The following CELSR1 variants were observed in gnomAD, a reference collection of about 807,000 sequenced individuals.
The protein encoded by CELSR1 is adhesion G protein-coupled receptor C1.
Under a neutral mutation model 249.1 loss-of-function variants are expected in CELSR1, and 110 were observed. That is an observed-to-expected ratio of 0.44 (90% CI 0.38 to 0.52). CELSR1 has a LOEUF of 0.52. Ranked by LOEUF, CELSR1 falls within the 20% of genes least tolerant of loss-of-function variation. CELSR1 has a pLI of 0.00. For missense variants in CELSR1, 4,109 were observed against 4,296.4 expected, an observed-to-expected ratio of 0.96 and a Z score of 1.22; for synonymous variants, 2,113 against 1,900.0, an observed-to-expected ratio of 1.11 and a Z score of -2.92.
chr22:46,493,183 G>C (rs2080383634), intron 1 of CELSR1, among the ~76,000 whole-genome samples: 1 of 152,134 alleles, frequency 6.6e-6, no homozygotes, highest in African/African-American at 2.4e-5. Context: ...CCAGGAGTTG[G>C]AGGCTGCAAT....
At chr22:46,376,740 G>C (rs904701518) in intron 24 of CELSR1, among the ~76,000 whole-genome samples, 2 of 151,186 alleles carry the variant, frequency 1.3e-5, no homozygotes, top group East Asian at 1.9e-4. Flanking sequence ...CTGGGAGGTG[G>C]AAGTTGCAGT....
At chr22:46,457,060 T>G (rs1017974740) in intron 2 of CELSR1, among the ~76,000 whole-genome samples, 1 of 152,042 alleles carries the variant, frequency 6.6e-6, no homozygotes, top group Admixed American at 6.6e-5. Flanking sequence ...CACCCGACAC[T>G]CCCGAAGTCC....
At chr22:46,370,815 C>T (rs1478190573) in intron 25 of CELSR1, among the ~76,000 whole-genome samples, 1 of 152,240 alleles carries the variant, frequency 6.6e-6, no homozygotes, top group Non-Finnish European at 1.5e-5. Context: ...GTGACCAGTG[C>T]CTGCAGCTCA....
At position 46,381,093 on chromosome 22, in the gene CELSR1, C is replaced by G; in HGVS notation, c.7089-138G>C. On this transcript the variant is annotated intron_variant, in intron 21 of 34. Coordinates refer to ENST00000674500, the MANE Select transcript of CELSR1 (RefSeq NM_001378328.1). This position sits in a 1 kb window ranked among gnomAD's most constrained non-coding sequence, Gnocchi z 6.0. ...ATCACACTCCGAGAGCTCGGACCCA[C>G]GGACCCCACAGTATCTTCATCCCTA... 2 of 854,512 alleles carry G rather than the reference C, an allele frequency of 2.3e-6. No individual in the cohort carries two copies. The highest frequency in any genetic ancestry group is 3.6e-6 in the Non-Finnish European group (2 of 555,716). 52.9% of individuals were successfully genotyped at this position (854,512 alleles called of 1,614,324 possible).
rs539633508 is a variant in CELSR1, at chr22:46,462,034, T to C, written c.4183+1673A>G. 4.6e-5 allele frequency among the ~76,000 whole-genome samples: 7 copies of C among 152,348 alleles called. No individual in the cohort carries two copies. In the East Asian group the frequency reaches 1.4e-3, roughly 29 times the overall value. ...AGGGGGCCTGGTTCAGGCCTGCTCA[T>C]ACCTGGAGTCGTCCCCACCCCCAAA... On this transcript the variant is annotated intron_variant, in intron 2 of 34. Coordinates refer to ENST00000674500, the MANE Select transcript of CELSR1 (RefSeq NM_001378328.1).
In CELSR1 at chr22:46,472,908, G is replaced by A. The variant is rs766104080; in HGVS notation, c.3545-8563C>T. On this transcript the variant is annotated intron_variant, in intron 1 of 34. Transcript: ENST00000674500. The surrounding 1 kb of genome is among the most constrained non-coding windows in gnomAD (Gnocchi z 7.0). The stretch of plus-strand genomic sequence containing the variant: ...GTCACGGCTCTGTCTTCTGTTCACC[G>A]CACCGGAAGCCAGTACAGCCTCATG... Among the ~76,000 whole-genome samples the A allele has an allele frequency of 2.0e-5, 3 of 152,144 alleles. No homozygotes were observed. The highest frequency in any genetic ancestry group is 2.1e-4 in the South Asian group (1 of 4,826).
intron 2 of CELSR1, among the ~76,000 whole-genome samples, chr22:46,457,424 G>A (rs9284524): frequency 0.37 from 56,721 of 152,006 alleles, 11,558 homozygotes; most frequent in East Asian, 0.52. Flanking sequence ...CCCTAACAAA[G>A]CAGCCCCGGC....
At chr22:46,524,378 G>A (rs191210501) in intron 1 of CELSR1, among the ~76,000 whole-genome samples, 4 of 152,278 alleles carry the variant, frequency 2.6e-5, no homozygotes, top group African/African-American at 7.2e-5. Context: ...CTTGGGACAC[G>A]CGTAAGCCTC....
intron 14 of CELSR1, 94 bp downstream of exon 14, chr22:46,394,048 G>A (rs1044875744): frequency 1.1e-5 from 17 of 1,493,896 alleles, no homozygotes; most frequent in East Asian, 2.3e-5. Context: ...AGTGTGTACC[G>A]ACAGGGTATG....
rs1195337022 is a variant in CELSR1 at position 46,437,346 on chromosome 22, C to A, written c.4407-1057G>T. Among the ~76,000 whole-genome samples, 1 of 152,226 alleles carries A rather than the reference C, an allele frequency of 6.6e-6. No individual in the cohort carries two copies. The highest frequency in any genetic ancestry group is 1.5e-5 in the Non-Finnish European group (1 of 68,040). Reference sequence around the variant, plus strand: ...TGAGCTGGCTGGGTGTCTCCACCATCAGAGATACACGGCAGGAACTCCTTT... The same window carrying A: ...TGAGCTGGCTGGGTGTCTCCACCATAAGAGATACACGGCAGGAACTCCTTT... On this transcript the variant is annotated intron_variant, in intron 3 of 34. Coordinates refer to ENST00000674500, the MANE Select transcript of CELSR1 (RefSeq NM_001378328.1). The surrounding 1 kb of genome is among the most constrained non-coding windows in gnomAD (Gnocchi z 4.9).
intron 33 of CELSR1, 48 bp from the exon 34 acceptor site, chr22:46,364,299 G>A (rs773723370): frequency 6.3e-6 from 10 of 1,590,982 alleles, no homozygotes; most frequent in African/African-American, 2.7e-5. Flanking sequence ...ATGCTGCCGG[G>A]GGCAGCTGCT....
At chr22:46,456,383 G>A (rs1012003714) in intron 2 of CELSR1, among the ~76,000 whole-genome samples, 1 of 152,146 alleles carries the variant, frequency 6.6e-6, no homozygotes, top group African/African-American at 2.4e-5. Flanking sequence ...AAATAGGCCG[G>A]GCACGGTGGC....
At chr22:46,477,135 GA>G (rs2147646938) in intron 1 of CELSR1, among the ~76,000 whole-genome samples, 1 of 152,266 alleles carries the variant, frequency 6.6e-6, no homozygotes, top group African/African-American at 2.4e-5. Flanking sequence ...CCAAGAGCAG[GA>G]AGCCACCTTC....
chr22:46,391,646 C>A lies in CELSR1; in HGVS notation c.6135G>T (p.Thr2045=), dbSNP rs769971022. The A allele has an allele frequency of 1.2e-6, 2 of 1,601,830 alleles. No individual in the cohort carries two copies. Among genetic ancestry groups the A allele is most frequent in the Non-Finnish European group, 1.7e-6 (2 of 1,176,760 alleles). Residue 2045 remains threonine (T), a synonymous_variant, in exon 15 of 35, where the codon ACG becomes ACT. Coordinates refer to ENST00000674500, the MANE Select transcript of CELSR1 (RefSeq NM_001378328.1). The surrounding 1 kb of genome is among the most constrained non-coding windows in gnomAD (Gnocchi z 4.3). ...GGCAACGCGGACCTTCACAGCCGAGCGTGGTGACCTCGGCAAACGGGTTGT... is the reference window on the plus strand; with the variant it reads ...GGCAACGCGGACCTTCACAGCCGAGAGTGGTGACCTCGGCAAACGGGTTGT... ...RCDNPFAEVT[T]LGCEVIYNGC...
intron 1 of CELSR1, among the ~76,000 whole-genome samples, chr22:46,501,699 G>A (rs6007921): frequency 2.0e-5 from 3 of 152,100 alleles, no homozygotes; most frequent in African/African-American, 7.2e-5. Flanking sequence ...AATGTTATTT[G>A]TTTTTAAATG....
intron 17 of CELSR1, among the ~76,000 whole-genome samples, chr22:46,389,734 G>A (rs973449775): frequency 3.3e-5 from 5 of 152,230 alleles, no homozygotes; most frequent in African/African-American, 1.2e-4. Flanking sequence ...TGTCCAATAT[G>A]GTGAAAACCC....
intron 2 of CELSR1, among the ~76,000 whole-genome samples, chr22:46,461,156 G>C (rs757566409): frequency 2.0e-5 from 3 of 152,180 alleles, no homozygotes; most frequent in South Asian, 4.1e-4. Context: ...CAAAGGGAAA[G>C]AGGGAAAAGG....
At chr22:46,516,607 T>C (rs2080630930) in intron 1 of CELSR1, among the ~76,000 whole-genome samples, 1 of 151,982 alleles carries the variant, frequency 6.6e-6, no homozygotes, top group East Asian at 1.9e-4. Context: ...CCAAAGTGCT[T>C]GGGATTAGAA....
chr22:46,421,767 C>T (rs2079475376), intron 5 of CELSR1, among the ~76,000 whole-genome samples: 1 of 152,270 alleles, frequency 6.6e-6, no homozygotes, highest in African/African-American at 2.4e-5. Context: ...ACTTCACCAA[C>T]TGATGGGAGC....
Sources: allele counts gnomAD v4.1 joint callset (sites outside exome capture counted in the v4.1 genomes callset), GRCh38; gene constraint gnomAD v4.1.1; non-coding constraint Gnocchi (gnomAD v3.1); transcripts MANE v1.5; gene names NCBI Gene and HGNC (gene_info 2026-07-23, HGNC 2026-07-21).